VSIG4: variants seen among roughly 807,000 people sequenced by gnomAD.
The protein encoded by VSIG4 is V-set and immunoglobulin domain-containing protein 4.
A neutral mutation model predicts 23.4 loss-of-function variants in VSIG4; 34 were observed. That is an observed-to-expected ratio of 1.45 (90% CI 1.10 to 1.93). The LOEUF (loss-of-function observed/expected upper bound fraction) is 1.93, where lower values mean the gene tolerates loss of function less well. Ranked by LOEUF, VSIG4 falls within the 30% of genes most tolerant of loss-of-function variation. The pLI is 0.00. For synonymous variants in VSIG4, 169 were observed against 120.3 expected (o/e 1.41, Z -2.65); for missense variants, 433 against 310.8 (o/e 1.39, Z -2.96).
intron 3 of VSIG4, among the ~76,000 whole-genome samples, chrX:66,030,397 A>T (rs183208013): frequency 1.2e-4 from 13 of 111,748 alleles, no homozygotes; most frequent in African/African-American, 4.2e-4. Flanking sequence ...ATATATATGT[A>T]TGTATTAGGC....
rs765225045 is a variant in VSIG4 at position 66,033,696 on chromosome X, G to T, written c.190C>A (p.Pro64Thr). The T allele has an allele frequency of 9.5e-5, 115 of 1,209,555 alleles. No homozygotes were observed. In the Admixed American group the frequency reaches 2.4e-3, roughly 26 times the overall value. ...VKWLVQRGSD[P>T]VTIFLRDSSG... ...GAGTCACGTAGAAAGATGGTGACAGGGTCTGAGCCACGTTGTACCAGCCAC... is the reference window on the plus strand; with the variant it reads ...GAGTCACGTAGAAAGATGGTGACAGTGTCTGAGCCACGTTGTACCAGCCAC... Residue 64 changes from proline (P) to threonine (T), a missense_variant, in exon 2 of 8, where the codon CCT becomes ACT. Transcript: ENST00000374737.
At chrX:66,029,579 G>C (rs903286184) in intron 3 of VSIG4, among the ~76,000 whole-genome samples, 6 of 111,296 alleles carry the variant, frequency 5.4e-5, no homozygotes, top group Admixed American at 3.8e-4. Flanking sequence ...AACATGGGGA[G>C]AACATTTAGA....
chrX:66,026,591 C>T (rs2085394620), intron 5 of VSIG4, among the ~76,000 whole-genome samples: 1 of 111,883 alleles, frequency 8.9e-6, no homozygotes, highest in Non-Finnish European at 1.9e-5. Flanking sequence ...GGTTTGAGTG[C>T]TGCCAAGGGA....
At chrX:66,037,721 A>G (rs2085632233) in intron 1 of VSIG4, among the ~76,000 whole-genome samples, 1 of 95,167 alleles carries the variant, frequency 1.1e-5, no homozygotes, top group Non-Finnish European at 2.0e-5. Flanking sequence ...ATAAGTATAT[A>G]TACTTATTAC....
intron 1 of VSIG4, among the ~76,000 whole-genome samples, chrX:66,036,687 T>C (rs1434834544): frequency 3.5e-5 from 2 of 57,602 alleles, no homozygotes; most frequent in African/African-American, 1.4e-4. Context: ...TATAATACGA[T>C]ATATTATTAA....
intron 1 of VSIG4, among the ~76,000 whole-genome samples, chrX:66,035,822 T>C (rs948105155): frequency 8.9e-6 from 1 of 112,329 alleles, no homozygotes; most frequent in Non-Finnish European, 1.9e-5. Flanking sequence ...CATTCTCACA[T>C]TCCCCTCTTG....
At chrX:66,037,744 CTT>C (rs766113219) in intron 1 of VSIG4, among the ~76,000 whole-genome samples, 10 of 98,735 alleles carry the variant, frequency 1.0e-4, no homozygotes, top group African/African-American at 3.3e-4. Context: ...AGTATATAAA[CTT>C]ATTACTGATA....
intron 1 of VSIG4, among the ~76,000 whole-genome samples, chrX:66,036,716 T>C (rs1275908986): frequency 1.9e-5 from 1 of 52,878 alleles, no homozygotes; most frequent in African/African-American, 8.2e-5. Flanking sequence ...AATTATATAA[T>C]ATATATATTA....
At chrX:66,031,706 ATCACTGCTGGACTCT>A (rs1238722960) in intron 3 of VSIG4, among the ~76,000 whole-genome samples, 1 of 111,116 alleles carries the variant, frequency 9.0e-6, no homozygotes, top group Non-Finnish European at 1.9e-5. Flanking sequence ...ATCTGGACAT[ATCACTGCTGGACTCT>A]TCATTTAAGC....
chrX:66,023,695 C>G (rs2085358807), intron 6 of VSIG4, among the ~76,000 whole-genome samples: 1 of 111,883 alleles, frequency 8.9e-6, no homozygotes, highest in Non-Finnish European at 1.9e-5. Flanking sequence ...GAGGCTGTCT[C>G]CCTTATACAG....
At chrX:66,028,261 GTTGCTTGTTCA>G in intron 3 of VSIG4, 149 bp from the exon 4 acceptor site, 1 of 468,834 alleles carries the variant, frequency 2.1e-6, no homozygotes, top group Non-Finnish European at 3.7e-6. Flanking sequence ...TAAGTCCTGT[GTTGCTTGTTCA>G]TCTTTCATAC....
intron 6 of VSIG4, among the ~76,000 whole-genome samples, chrX:66,023,204 G>T (rs2085352899): frequency 9.1e-6 from 1 of 110,251 alleles, no homozygotes; most frequent in Non-Finnish European, 1.9e-5. Context: ...TCCCCAGAGA[G>T]TCCTTGTGGG....
At chrX:66,035,788 A>G (rs1314521755) in intron 1 of VSIG4, among the ~76,000 whole-genome samples, 1 of 111,908 alleles carries the variant, frequency 8.9e-6, no homozygotes, top group African/African-American at 3.2e-5. Context: ...GACTTTCCCA[A>G]TGTCCCTCCT....
At chrX:66,038,139 T>G (rs760584929) in intron 1 of VSIG4, among the ~76,000 whole-genome samples, 2 of 111,781 alleles carry the variant, frequency 1.8e-5, no homozygotes, top group East Asian at 5.6e-4. Flanking sequence ...ATATTAGAAA[T>G]TTTTTAAATT....
At chrX:66,037,831 G>T (rs999623245) in intron 1 of VSIG4, among the ~76,000 whole-genome samples, 5 of 71,635 alleles carry the variant, frequency 7.0e-5, no homozygotes, top group Non-Finnish European at 1.2e-4. Flanking sequence ...AGCTTAATGT[G>T]GTCCTGAGAC....
chrX:66,032,868 G>A (rs2085482447), intron 2 of VSIG4, 119 bp from the exon 3 acceptor site: 2 of 769,993 alleles, frequency 2.6e-6, no homozygotes, highest in Non-Finnish European at 3.6e-6. Context: ...AACTAAAGGG[G>A]GCTTCTGACT....
At chrX:66,034,216 T>A (rs1168033153) in intron 1 of VSIG4, among the ~76,000 whole-genome samples, 3 of 111,963 alleles carry the variant, frequency 2.7e-5, no homozygotes, top group Admixed American at 9.4e-5. Flanking sequence ...CATGAAAAAA[T>A]TTTCTTTTCA....
At chrX:66,031,119 G>C (rs1352187042) in intron 3 of VSIG4, among the ~76,000 whole-genome samples, 1 of 111,245 alleles carries the variant, frequency 9.0e-6, no homozygotes, top group African/African-American at 3.3e-5. Flanking sequence ...TCAGTAGGGG[G>C]CAATGGCGAG....
chrX:66,022,956 G>A, intron 6 of VSIG4, 94 bp from the exon 7 acceptor site: 1 of 964,125 alleles, frequency 1.0e-6, no homozygotes, highest in Non-Finnish European at 1.5e-6. Flanking sequence ...GATGAGGGAA[G>A]GGTACAGAGG....
Sources: allele counts gnomAD v4.1 joint callset (sites outside exome capture counted in the v4.1 genomes callset), GRCh38; gene constraint gnomAD v4.1.1; transcripts MANE v1.5; gene names NCBI Gene and HGNC (gene_info 2026-07-23, HGNC 2026-07-21).